NRXN3: variants seen among roughly 807,000 people sequenced by gnomAD.
The protein encoded by NRXN3 is neurexin III.
A neutral mutation model predicts 137.6 loss-of-function variants in NRXN3; 32 were observed. That is an observed-to-expected ratio of 0.23 (90% CI 0.18 to 0.31). The LOEUF (loss-of-function observed/expected upper bound fraction) is 0.31, where lower values mean the gene tolerates loss of function less well. Among genes scored for constraint, NRXN3 ranks in the 10% least tolerant of loss-of-function variants. The probability of loss-of-function intolerance (pLI) is 1.00; values close to 1 mark genes in which losing one functional copy is unlikely to be tolerated. For synonymous variants in NRXN3, 798 were observed against 784.5 expected, an observed-to-expected ratio of 1.02 and a Z score of -0.29; for missense variants, 1,574 against 2,062.5, an observed-to-expected ratio of 0.76 and a Z score of 4.59.
chr14:78,367,409 C>A (rs1330110120), intron 4 of NRXN3, among the ~76,000 whole-genome samples: 1 of 152,098 alleles, frequency 6.6e-6, no homozygotes, highest in Non-Finnish European at 1.5e-5. Flanking sequence ...AATCAATCTT[C>A]ATCTTTTGAG....
chr14:78,966,264 A>G lies in NRXN3; in HGVS notation c.2635A>G (p.Ser879Gly). The change falls in exon 12 of 21, where the codon AGC becomes GGC. Residue 879 changes from serine to glycine, a missense_variant. This residue lies in a region of NRXN3 where 718 missense variants were observed against 887.6 expected (regional missense o/e 0.81). Transcript: ENST00000335750. ...IADPVTFKTK[S>G]SYLSLATLQA... ...TGACCCTGTCACCTTTAAGACCAAG[A>G]GCAGCTACCTGAGCCTTGCCACTCT... The G allele has an allele frequency of 6.2e-7, 1 of 1,614,202 alleles. No individual in the cohort carries two copies.
intron 10 of NRXN3, among the ~76,000 whole-genome samples, chr14:78,917,971 T>TA (rs201967529): frequency 0.11 from 6,928 of 62,824 alleles, 296 homozygotes; most frequent in African/African-American, 0.23. Flanking sequence ...ATAAAAAAAA[T>TA]AAAAAAATAA....
At chr14:78,224,544 T>G (rs1344773877) in intron 1 of NRXN3, among the ~76,000 whole-genome samples, 2 of 152,052 alleles carry the variant, frequency 1.3e-5, no homozygotes, top group Non-Finnish European at 2.9e-5. Flanking sequence ...TTTGTCCTTG[T>G]GATAGTTTAC....
chr14:78,624,825 GTGTGTGTT>G (rs1388099346), intron 4 of NRXN3, among the ~76,000 whole-genome samples: 5 of 148,288 alleles, frequency 3.4e-5, no homozygotes, highest in African/African-American at 4.9e-5. Flanking sequence ...GTGTGTGTGT[GTGTGTGTT>G]TGTTTGTTTG....
intron 15 of NRXN3, among the ~76,000 whole-genome samples, chr14:79,113,811 T>C (rs985478743): frequency 6.6e-6 from 1 of 152,200 alleles, no homozygotes; most frequent in African/African-American, 2.4e-5. Context: ...TCAGGATCAC[T>C]GGTGAGTTAT....
intron 10 of NRXN3, among the ~76,000 whole-genome samples, chr14:78,878,353 G>A (rs187823669): frequency 6.6e-6 from 1 of 152,118 alleles, no homozygotes; most frequent in Admixed American, 6.5e-5. Context: ...ACATTACAAG[G>A]CAAAATTATT....
intron 15 of NRXN3, among the ~76,000 whole-genome samples, chr14:79,188,051 T>A (rs2063748171): frequency 6.6e-6 from 1 of 152,256 alleles, no homozygotes; most frequent in Admixed American, 6.5e-5. Flanking sequence ...AGTTTCTATC[T>A]TGTTACAAGT....
intron 10 of NRXN3, among the ~76,000 whole-genome samples, chr14:78,888,872 C>CA (rs58407190): frequency 9.3e-5 from 14 of 150,520 alleles, no homozygotes; most frequent in African/African-American, 3.2e-4. Context: ...CACACACACA[C>CA]CCCAGATTTG....
chr14:79,585,705 A>C (rs1214777419), intron 16 of NRXN3, among the ~76,000 whole-genome samples: 1 of 151,396 alleles, frequency 6.6e-6, no homozygotes, highest in African/African-American at 2.4e-5. Context: ...AAAAAAAAAA[A>C]AAACCAACTT....
intron 15 of NRXN3, among the ~76,000 whole-genome samples, chr14:79,297,154 T>C (rs2084317240): frequency 6.6e-6 from 1 of 152,230 alleles, no homozygotes; most frequent in Non-Finnish European, 1.5e-5. Context: ...AAATTCAAAT[T>C]CCCAGGCCAT....
chr14:79,593,279 A>C (rs1227473975), intron 16 of NRXN3, among the ~76,000 whole-genome samples: 2 of 152,200 alleles, frequency 1.3e-5, no homozygotes, highest in African/African-American at 4.8e-5. Flanking sequence ...AAACAATGGG[A>C]GTATAAAGGT....
At chr14:78,714,362 C>A (rs1268363833) in intron 7 of NRXN3, among the ~76,000 whole-genome samples, 1 of 152,172 alleles carries the variant, frequency 6.6e-6, no homozygotes, top group African/African-American at 2.4e-5. Context: ...TCCCATTTTA[C>A]AAATGAGGAA....
chr14:79,793,677 T>C (rs1407568064), intron 19 of NRXN3, among the ~76,000 whole-genome samples: 2 of 152,226 alleles, frequency 1.3e-5, no homozygotes, highest in Non-Finnish European at 2.9e-5. Flanking sequence ...AGTGCTAGAA[T>C]AGAATTTCTT....
chr14:78,250,163 T>C (rs1268034001), intron 2 of NRXN3: 1 of 496,884 alleles, frequency 2.0e-6, no homozygotes, highest in East Asian at 5.6e-5. Context: ...GAGGCAGAGC[T>C]GCAATTTGTG....
chr14:79,085,324 TA>T (rs1357399892), intron 15 of NRXN3, among the ~76,000 whole-genome samples: 2 of 152,226 alleles, frequency 1.3e-5, no homozygotes, highest in Non-Finnish European at 2.9e-5. Flanking sequence ...CCCTTAGCAC[TA>T]TCAATGTCAG....
At chr14:78,778,801 TTTC>T (rs1323552007) in intron 8 of NRXN3, among the ~76,000 whole-genome samples, 1 of 135,336 alleles carries the variant, frequency 7.4e-6, no homozygotes, top group Non-Finnish European at 1.6e-5. Flanking sequence ...TCTTTCTTTC[TTTC>T]TTTCTTTCTT....
intron 2 of NRXN3, among the ~76,000 whole-genome samples, chr14:78,272,335 G>A (rs2072918489): frequency 6.6e-6 from 1 of 152,180 alleles, no homozygotes. Flanking sequence ...CAGTAGGTTG[G>A]TCTGCTTTGA....
chr14:78,669,465 T>C (rs2097916030), intron 6 of NRXN3, among the ~76,000 whole-genome samples: 1 of 152,236 alleles, frequency 6.6e-6, no homozygotes, highest in East Asian at 1.9e-4. Flanking sequence ...TGGTTGGCTA[T>C]TTTATGGTTG....
At chr14:78,214,589 A>G (rs1241351629) in intron 1 of NRXN3, among the ~76,000 whole-genome samples, 1 of 152,228 alleles carries the variant, frequency 6.6e-6, no homozygotes, top group Non-Finnish European at 1.5e-5. Flanking sequence ...TGGATAATCT[A>G]CAAAGAGGGT....
Sources: gnomAD v4.1 joint callset for allele counts (sites outside exome capture counted in the v4.1 genomes callset) on GRCh38, gnomAD v4.1.1 for gene constraint, gnomAD v4.1.1 regional missense constraint, MANE v1.5 for transcripts, NCBI Gene and HGNC (gene_info 2026-07-23, HGNC 2026-07-21) for gene names.